The following POU6F2 variants were observed in gnomAD, a reference collection of about 807,000 sequenced individuals.
The protein encoded by POU6F2 is POU domain, class 6, transcription factor 2.
POU6F2 carries 31 observed loss-of-function variants against 71.3 expected under a neutral mutation model. The ratio of observed to expected loss-of-function variants is 0.43; its 90% CI spans 0.33 to 0.59. The LOEUF (loss-of-function observed/expected upper bound fraction) is 0.59. POU6F2 is among the 20% of genes least tolerant of loss of function. The pLI, the probability that POU6F2 is intolerant of heterozygous loss-of-function variation, is 0.04. For synonymous variants in POU6F2, 347 were observed against 355.7 expected (o/e 0.98, Z 0.27); for missense variants, 783 against 856.8 (o/e 0.91, Z 1.07).
chr7:38,982,172 T>C (rs1472730932), intron 1 of POU6F2, among the ~76,000 whole-genome samples: 2 of 152,140 alleles, frequency 1.3e-5, no homozygotes, highest in Non-Finnish European at 2.9e-5. Context: ...CTAACCCTGT[T>C]TTACTCATGT....
intron 5 of POU6F2, among the ~76,000 whole-genome samples, chr7:39,378,360 T>C (rs1052840490): frequency 1.3e-5 from 2 of 152,176 alleles, no homozygotes; most frequent in African/African-American, 2.4e-5. Context: ...TCCTTCCTTA[T>C]CCATGCTCCC....
At chr7:39,260,730 A>G (rs2128754440) in intron 4 of POU6F2, among the ~76,000 whole-genome samples, 1 of 151,660 alleles carries the variant, frequency 6.6e-6, no homozygotes, top group South Asian at 2.1e-4. Context: ...ATACTACACC[A>G]CCTGCACACA....
chr7:39,207,391 G>T lies in POU6F2; in HGVS notation c.370-1G>T. On this transcript the variant is annotated splice_acceptor_variant, in intron 3 of 9. Transcript: ENST00000518318. LOFTEE classifies it high-confidence loss of function. ...AGCTAGCTGTATCTGTTTCCTTGCA[G>T]CCACTTCTGACGGCACAGCAGTTAG... is the stretch of plus-strand genomic sequence containing the variant. 1 of 1,613,390 alleles carries T rather than the reference G, an allele frequency of 6.2e-7. No individual in the cohort carries two copies. Among genetic ancestry groups the T allele is most frequent in the Non-Finnish European group, 8.5e-7 (1 of 1,179,510 alleles).
intron 1 of POU6F2, among the ~76,000 whole-genome samples, chr7:39,082,573 C>T (rs997674253): frequency 4.6e-5 from 7 of 151,994 alleles, no homozygotes; most frequent in Admixed American, 1.3e-4. Context: ...CTCTTCACTA[C>T]GACAGAAAGG....
At chr7:39,140,915 C>A (rs559997205) in intron 2 of POU6F2, among the ~76,000 whole-genome samples, 39 of 152,252 alleles carry the variant, frequency 2.6e-4, no homozygotes, top group African/African-American at 8.7e-4. Context: ...GGAGCAGAGG[C>A]AGGATGTCTG....
At chr7:39,124,591 G>A (rs1277979561) in intron 2 of POU6F2, among the ~76,000 whole-genome samples, 5 of 152,106 alleles carry the variant, frequency 3.3e-5, no homozygotes, top group Non-Finnish European at 7.4e-5. Context: ...CCTCCTACCG[G>A]GGGCTTAAAC....
intron 2 of POU6F2, among the ~76,000 whole-genome samples, chr7:39,163,658 A>T (rs1351785986): frequency 6.6e-6 from 1 of 152,226 alleles, no homozygotes; most frequent in African/African-American, 2.4e-5. Context: ...CAATTTCACT[A>T]CTGGATATAT....
intron 4 of POU6F2, among the ~76,000 whole-genome samples, chr7:39,291,860 T>C (rs1048987024): frequency 6.6e-6 from 1 of 152,040 alleles, no homozygotes; most frequent in Non-Finnish European, 1.5e-5. Context: ...CTTTTGACCC[T>C]TGACAATCAA....
chr7:39,015,700 T>TAGATATATAACATATAGATATA (rs1554308033), intron 1 of POU6F2, among the ~76,000 whole-genome samples: 12 of 84,490 alleles, frequency 1.4e-4, no homozygotes, highest in Admixed American at 1.1e-3. Context: ...CTATATATTA[T>TAGATATATAACATATAGATATA]ATATATCTAT....
intron 5 of POU6F2, among the ~76,000 whole-genome samples, chr7:39,383,936 T>A (rs1786882404): frequency 6.6e-6 from 1 of 152,246 alleles, no homozygotes; most frequent in East Asian, 1.9e-4. Context: ...GCTTCTTTAA[T>A]TCTGCAAGGG....
chr7:39,229,754 A>G (rs1426593510), intron 4 of POU6F2, among the ~76,000 whole-genome samples: 3 of 152,246 alleles, frequency 2.0e-5, no homozygotes, highest in East Asian at 1.9e-4. Flanking sequence ...CTTAACAGCA[A>G]TAAGTCTCTC....
intron 5 of POU6F2, among the ~76,000 whole-genome samples, chr7:39,360,475 C>A (rs946194841): frequency 1.3e-5 from 2 of 152,080 alleles, no homozygotes; most frequent in Non-Finnish European, 2.9e-5. Flanking sequence ...AGAGTAGAAA[C>A]CTTGAAGTTA....
At chr7:39,057,420 C>A (rs6969723) in intron 1 of POU6F2, among the ~76,000 whole-genome samples, 110 of 151,866 alleles carry the variant, frequency 7.2e-4, no homozygotes, top group Admixed American at 1.2e-3. Flanking sequence ...TTTTCTATTT[C>A]TTTTTATGTC....
intron 5 of POU6F2, among the ~76,000 whole-genome samples, chr7:39,397,517 A>G (rs1583572914): frequency 6.7e-6 from 1 of 148,884 alleles, no homozygotes; most frequent in African/African-American, 2.4e-5. Context: ...TTTTGGAGAC[A>G]GAGTCTCGCT....
At chr7:39,248,424 G>GCCTTTCCCCTCCTCAGCCCATCA (rs1783856950) in intron 4 of POU6F2, among the ~76,000 whole-genome samples, 1 of 152,120 alleles carries the variant, frequency 6.6e-6, no homozygotes, top group Non-Finnish European at 1.5e-5. Flanking sequence ...TGCCCCCATC[G>GCCTTTCCCCTCCTCAGCCCATCA]CCTTTCCCCT....
chr7:39,436,182 G>A (rs1053365107), intron 7 of POU6F2, among the ~76,000 whole-genome samples: 2 of 152,078 alleles, frequency 1.3e-5, no homozygotes, highest in Admixed American at 6.5e-5. Context: ...AGTTTGATGG[G>A]TATAGCGTTG....
At chr7:39,077,905 C>T (rs1791031888) in intron 1 of POU6F2, among the ~76,000 whole-genome samples, 1 of 152,190 alleles carries the variant, frequency 6.6e-6, no homozygotes, top group African/African-American at 2.4e-5. Context: ...AACTAGCTTG[C>T]TTGCCTCTAA....
At chr7:39,108,236 G>A (rs770675605) in intron 2 of POU6F2, among the ~76,000 whole-genome samples, 6 of 152,102 alleles carry the variant, frequency 3.9e-5, no homozygotes, top group Admixed American at 1.3e-4. Context: ...GCAGTTGTTG[G>A]GAGGAGGGAG....
chr7:39,069,817 G>C (rs1790838190), intron 1 of POU6F2, among the ~76,000 whole-genome samples: 1 of 152,200 alleles, frequency 6.6e-6, no homozygotes, highest in African/African-American at 2.4e-5. Context: ...TCTTCACTTT[G>C]AGTAGGTTGA....
Sources: allele counts gnomAD v4.1 joint callset (sites outside exome capture counted in the v4.1 genomes callset), GRCh38; gene constraint gnomAD v4.1.1; transcripts MANE v1.5; gene names NCBI Gene and HGNC (gene_info 2026-07-23, HGNC 2026-07-21).